Variants in CTDSPL2 observed in about 807,000 individuals in gnomAD.
CTDSPL2 encodes the protein CTD small phosphatase like 2, also known as CTD small phosphatase-like protein 2.
CTDSPL2 carries 5 observed loss-of-function variants against 60.0 expected under a neutral mutation model. That is an observed-to-expected ratio of 0.08 (90% confidence interval 0.04 to 0.18). The LOEUF (loss-of-function observed/expected upper bound fraction) is 0.18. Ranked by LOEUF, CTDSPL2 falls within the 10% of genes least tolerant of loss-of-function variation. CTDSPL2 has a pLI of 1.00. For missense variants in CTDSPL2, 370 were observed against 548.8 expected (o/e 0.67, Z 3.26); for synonymous variants, 186 against 189.3 (o/e 0.98, Z 0.14).
chr15:44,465,906 G>C (rs907376922), intron 2 of CTDSPL2, among the ~76,000 whole-genome samples: 22 of 149,454 alleles, frequency 1.5e-4, no homozygotes, highest in Admixed American at 1.2e-3. Flanking sequence ...GTAGAGACAG[G>C]GTTTCACCAT....
chr15:44,469,317 A>G (rs1011499081), intron 2 of CTDSPL2, among the ~76,000 whole-genome samples: 10 of 152,178 alleles, frequency 6.6e-5, no homozygotes, highest in African/African-American at 1.9e-4. Flanking sequence ...CCAACCATTT[A>G]TAAGTACAAA....
Position 44,484,266 on chromosome 15 carries a change from G to A in CTDSPL2, c.229G>A (p.Asp77Asn), listed in dbSNP as rs753052510. Residue 77 changes from aspartate (D) to asparagine (N), a missense_variant, in exon 3 of 13, where the codon GAT becomes AAT. Physicochemically the swap from Asp to Asn is conservative, Grantham distance 23. This residue lies in a region of CTDSPL2 where 287 missense variants were observed against 296.1 expected (regional missense o/e 0.97). Transcript: ENST00000260327. ...NPSKRSRIER[D>N]IDNNLITSTP... is the part of the protein sequence containing the mutation. ...TTCAAAACGGAGTAGAATTGAACGT[G>A]ATATAGATAACAATTTGATCACGTC... is the stretch of plus-strand genomic sequence containing the variant. The A allele has an allele frequency of 6.2e-7, 1 of 1,612,656 alleles. No homozygotes were observed. Among genetic ancestry groups the A allele is most frequent in the Non-Finnish European group, 8.5e-7 (1 of 1,178,938 alleles).
chr15:44,434,940 T>A (rs1429847636), intron 1 of CTDSPL2, among the ~76,000 whole-genome samples: 1 of 151,708 alleles, frequency 6.6e-6, no homozygotes, highest in Non-Finnish European at 1.5e-5. Context: ...CACCTGTCTT[T>A]ATCACACACT....
Position 44,525,504 on chromosome 15 carries a change from C to T in CTDSPL2, c.*1330C>T, listed in dbSNP as rs2081858249. 7 of 398,700 alleles carry T rather than the reference C, an allele frequency of 1.8e-5. No individual in the cohort carries two copies. In the Admixed American group the frequency reaches 1.8e-4, roughly 10 times the overall value. 24.7% of individuals were successfully genotyped at this position (398,700 alleles called of 1,614,324 possible). ...CAACTGCATTAACATGCCACAGGCT[C>T]AGACTGTTTTTGTGTAAAGGATGTC... On this transcript the variant is annotated 3_prime_UTR_variant, in exon 13 of 13. Coordinates refer to ENST00000260327, the MANE Select transcript of CTDSPL2 (RefSeq NM_016396.3).
chr15:44,502,257 A>G (rs369545907), intron 8 of CTDSPL2, among the ~76,000 whole-genome samples: 2 of 151,940 alleles, frequency 1.3e-5, no homozygotes, highest in East Asian at 3.8e-4. Context: ...TTACATATAT[A>G]TGTATATATA....
rs1348555536 is a variant in CTDSPL2, at chr15:44,525,084, T to G, written c.*910T>G. The G allele has an allele frequency of 4.0e-6, 1 of 247,650 alleles. No homozygotes were observed. Among genetic ancestry groups the G allele is most frequent in the Non-Finnish European group, 7.7e-6 (1 of 130,508 alleles). The allele number at this position is 247,650 out of a possible 1,614,324, so 15.3% of individuals were successfully genotyped here. A position where few individuals can be genotyped will look rare whatever the true frequency, so the allele number is the denominator to read the frequency against. ...CTCACAAATCTTTGAGGAGAAAGTT[T>G]GGTCACCTGTTTGGCTTGATTTAGT... is the stretch of plus-strand genomic sequence containing the variant. On this transcript the variant is annotated 3_prime_UTR_variant, in exon 13 of 13. Transcript: ENST00000260327.
chr15:44,521,720 C>T (rs1264606970), intron 12 of CTDSPL2, among the ~76,000 whole-genome samples: 10 of 151,510 alleles, frequency 6.6e-5, no homozygotes, highest in African/African-American at 9.7e-5. Context: ...GGGCGGATCA[C>T]GAGGTCAGGA....
intron 7 of CTDSPL2, among the ~76,000 whole-genome samples, chr15:44,498,536 C>T (rs1440069080): frequency 6.6e-6 from 1 of 151,938 alleles, no homozygotes; most frequent in African/African-American, 2.4e-5. Flanking sequence ...CAGTGAGCTA[C>T]AATTGTGCCA....
chr15:44,457,502 G>C (rs2080471945), intron 1 of CTDSPL2, among the ~76,000 whole-genome samples: 1 of 150,426 alleles, frequency 6.6e-6, no homozygotes, highest in South Asian at 2.1e-4. Flanking sequence ...TGGCTGGTTT[G>C]ATTTTATATC....
rs976826873 is a variant in CTDSPL2, at chr15:44,525,632, T to C, written c.*1458T>C. 2.5e-5 allele frequency: 10 copies of C among 396,416 alleles called. No individual in the cohort carries two copies. The highest frequency in any genetic ancestry group is 2.1e-4 in the African/African-American group (10 of 48,586). The allele number at this position is 396,416 out of a possible 1,614,324, so 24.6% of individuals were successfully genotyped here. ...GTGGACAACTGATAATTGAGGAGTA[T>C]GTCAATTAATTTTTTATGTATATTA... On this transcript the variant is annotated 3_prime_UTR_variant, in exon 13 of 13. Transcript: ENST00000260327.
chr15:44,519,340 A>G (rs201980554), intron 11 of CTDSPL2, 45 bp downstream of exon 11: 6 of 1,445,158 alleles, frequency 4.2e-6, no homozygotes, highest in East Asian at 2.5e-5. Flanking sequence ...AAAAAATACA[A>G]TGAAGACACA....
chr15:44,514,369 T>C (rs2081615223), intron 8 of CTDSPL2, among the ~76,000 whole-genome samples: 1 of 152,234 alleles, frequency 6.6e-6, no homozygotes, highest in South Asian at 2.1e-4. Context: ...CTGCTATTAG[T>C]AAAAATGACT....
At chr15:44,444,939 C>G (rs1462657667) in intron 1 of CTDSPL2, among the ~76,000 whole-genome samples, 2 of 148,886 alleles carry the variant, frequency 1.3e-5, no homozygotes, top group Non-Finnish European at 3.0e-5. Flanking sequence ...GCTCCACCTC[C>G]CGGGTTCACA....
intron 1 of CTDSPL2, among the ~76,000 whole-genome samples, chr15:44,441,021 T>C (rs897430863): frequency 6.6e-6 from 1 of 152,164 alleles, no homozygotes; most frequent in African/African-American, 2.4e-5. Flanking sequence ...GTTTGGCTTA[T>C]GTGCCTTGGC....
intron 8 of CTDSPL2, among the ~76,000 whole-genome samples, chr15:44,505,749 A>G (rs913390760): frequency 6.6e-6 from 1 of 151,428 alleles, no homozygotes; most frequent in Non-Finnish European, 1.5e-5. Context: ...AAAAAAAAAA[A>G]AGAAAAGAAA....
chr15:44,459,371 C>G (rs1595718188), intron 2 of CTDSPL2, among the ~76,000 whole-genome samples, 171 bp downstream of exon 2: 1 of 151,976 alleles, frequency 6.6e-6, no homozygotes, highest in South Asian at 2.1e-4. Context: ...ACTAAAAATA[C>G]AAAAAATTAG....
At chr15:44,478,212 C>T (rs1053036130) in intron 2 of CTDSPL2, among the ~76,000 whole-genome samples, 1 of 151,994 alleles carries the variant, frequency 6.6e-6, no homozygotes, top group African/African-American at 2.4e-5. Context: ...TTTTGGGAGG[C>T]TGAGGCAGGC....
chr15:44,475,150 A>G (rs1016892481), intron 2 of CTDSPL2, among the ~76,000 whole-genome samples: 7 of 151,954 alleles, frequency 4.6e-5, no homozygotes, highest in African/African-American at 1.7e-4. Flanking sequence ...AATTCTCTAC[A>G]TACTAGATAT....
At chr15:44,483,000 C>G (rs146875672) in intron 2 of CTDSPL2, among the ~76,000 whole-genome samples, 1 of 152,002 alleles carries the variant, frequency 6.6e-6, no homozygotes, top group Non-Finnish European at 1.5e-5. Flanking sequence ...GTGGCTCATG[C>G]CTGTAATCCC....
Sources: gnomAD v4.1 joint callset for allele counts (sites outside exome capture counted in the v4.1 genomes callset) on GRCh38, gnomAD v4.1.1 for gene constraint, gnomAD v4.1.1 regional missense constraint, MANE v1.5 for transcripts, NCBI Gene and HGNC (gene_info 2026-07-23, HGNC 2026-07-21) for gene names.